Variants in WDR41 observed in about 807,000 individuals in gnomAD.
The protein encoded by WDR41 is WD repeat domain 41.
Under a neutral mutation model 69.3 loss-of-function variants are expected in WDR41, and 63 were observed. That is an observed-to-expected ratio of 0.91 (90% CI 0.74 to 1.12). The LOEUF (loss-of-function observed/expected upper bound fraction) is 1.12. Among genes scored for constraint, WDR41 ranks in the 50% most tolerant of loss-of-function variants. The pLI, the probability that WDR41 is intolerant of heterozygous loss-of-function variation, is 0.00. For synonymous variants in WDR41, 185 were observed against 192.1 expected (o/e 0.96, Z 0.31); for missense variants, 543 against 534.5 (o/e 1.02, Z -0.16).
intron 1 of WDR41, among the ~76,000 whole-genome samples, chr5:77,532,717 A>G (rs1257400474): frequency 6.6e-6 from 1 of 152,142 alleles, no homozygotes; most frequent in Non-Finnish European, 1.5e-5. Flanking sequence ...AAGAACATAT[A>G]TGTAACTCAA....
intron 11 of WDR41, among the ~76,000 whole-genome samples, 175 bp downstream of exon 11, chr5:77,437,161 C>T (rs535938254): frequency 2.5e-3 from 386 of 152,264 alleles, no homozygotes; most frequent in African/African-American, 8.8e-3. Flanking sequence ...TACATTAGGG[C>T]AGTATTAAGC....
At chr5:77,518,511 C>G (rs1423199664) in intron 1 of WDR41, among the ~76,000 whole-genome samples, 2 of 152,026 alleles carry the variant, frequency 1.3e-5, no homozygotes, top group African/African-American at 2.4e-5. Context: ...CTGTGATGTC[C>G]TTAAAAGCCC....
chr5:77,516,936 G>C (rs1383780752), intron 1 of WDR41, among the ~76,000 whole-genome samples: 3 of 150,794 alleles, frequency 2.0e-5, no homozygotes, highest in Non-Finnish European at 4.4e-5. Context: ...AGAATCGCTC[G>C]AACTTGGGAT....
At chr5:77,530,921 A>C (rs1193606213) in intron 1 of WDR41, among the ~76,000 whole-genome samples, 6 of 151,860 alleles carry the variant, frequency 4.0e-5, no homozygotes, top group Non-Finnish European at 7.4e-5. Context: ...TTAATGGTAC[A>C]AGAACTGGTG....
intron 1 of WDR41, among the ~76,000 whole-genome samples, chr5:77,519,457 T>C (rs1386348661): frequency 1.3e-5 from 2 of 151,934 alleles, no homozygotes; most frequent in African/African-American, 2.4e-5. Context: ...ATTTAGTCTT[T>C]ATTTTTTTCA....
intron 11 of WDR41, 39 bp downstream of exon 11, chr5:77,437,297 G>A (rs746651706): frequency 5.0e-5 from 78 of 1,550,718 alleles, no homozygotes; most frequent in Non-Finnish European, 6.8e-5. Flanking sequence ...TGAGAAAAAA[G>A]GAGAGAAAAA....
chr5:77,512,289 C>G (rs1469141472), intron 1 of WDR41, among the ~76,000 whole-genome samples: 1 of 148,208 alleles, frequency 6.7e-6, no homozygotes, highest in Non-Finnish European at 1.5e-5. Context: ...ATGTGCCCCA[C>G]AAAGTTAAGA....
intron 3 of WDR41, among the ~76,000 whole-genome samples, chr5:77,463,487 T>C (rs186212260): frequency 1.8e-4 from 28 of 152,268 alleles, no homozygotes; most frequent in African/African-American, 6.5e-4. Context: ...TTTCTATAAA[T>C]TTAAAAATAT....
intron 1 of WDR41, among the ~76,000 whole-genome samples, chr5:77,553,945 T>C (rs780819522): frequency 1.3e-5 from 2 of 152,194 alleles, no homozygotes; most frequent in Admixed American, 1.3e-4. Context: ...TGGACATTTA[T>C]GCCAGAGGAA....
Position 77,489,581 on chromosome 5 carries a change from GAAAA to G in WDR41, c.52-13_52-10del, listed in dbSNP as rs1554032661. The G allele has an allele frequency of 5.5e-5, 55 of 1,002,480 alleles. No homozygotes were observed. Among genetic ancestry groups the G allele is most frequent in the South Asian group, 1.5e-4 (9 of 60,914 alleles). 62.1% of individuals were successfully genotyped at this position (1,002,480 alleles called of 1,614,324 possible). On this transcript the variant is annotated splice_polypyrimidine_tract_variant and intron_variant, in intron 1 of 12. Coordinates refer to ENST00000296679, the MANE Select transcript of WDR41 (RefSeq NM_018268.4). ...GTCTGTAAAGGAGATTTCTTGTATTGAAAAAAAAAAAAAAGCAAAAAACAAAAGA... is the reference window on the plus strand; with the variant it reads ...GTCTGTAAAGGAGATTTCTTGTATTGAAAAAAAAAAGCAAAAAACAAAAGA...
At chr5:77,478,114 G>T (rs1030296902) in intron 2 of WDR41, among the ~76,000 whole-genome samples, 1 of 152,124 alleles carries the variant, frequency 6.6e-6, no homozygotes, top group Non-Finnish European at 1.5e-5. Flanking sequence ...ACCCTCCCAA[G>T]ACTAAACCAG....
chr5:77,448,980 A>G (rs555507835), intron 8 of WDR41, among the ~76,000 whole-genome samples: 1 of 152,296 alleles, frequency 6.6e-6, no homozygotes, highest in South Asian at 2.1e-4. Flanking sequence ...CATACTCCCA[A>G]GCAGCCTTAC....
intron 1 of WDR41, among the ~76,000 whole-genome samples, chr5:77,615,402 G>A (rs1306249921): frequency 6.6e-6 from 1 of 152,004 alleles, no homozygotes; most frequent in Non-Finnish European, 1.5e-5. Flanking sequence ...TACTACAACA[G>A]ATTTTTTAAA....
At position 77,595,294 on chromosome 5, in the gene WDR41, G is replaced by A. The variant is rs144122352; in HGVS notation, c.42+25185C>T. On this transcript the variant is annotated intron_variant, in intron 1 of 5. Transcript: ENST00000509971. ...CAAGTTCAACTATAAGAATGTTTAT[G>A]AATATGGGGGAGAGTTGCCTCAATA... 3.6e-3 allele frequency among the ~76,000 whole-genome samples: 545 copies of A among 152,330 alleles called. 5 individuals are homozygous for A. The highest frequency in any genetic ancestry group is 0.012 in the African/African-American group (505 of 41,572).
intron 1 of WDR41, among the ~76,000 whole-genome samples, chr5:77,524,517 A>G (rs1802418089): frequency 6.6e-6 from 1 of 152,194 alleles, no homozygotes; most frequent in African/African-American, 2.4e-5. Context: ...GCTTGAGCCC[A>G]AGAATTTGAG....
At chr5:77,559,115 T>G (rs1743468586) in intron 1 of WDR41, among the ~76,000 whole-genome samples, 1 of 152,180 alleles carries the variant, frequency 6.6e-6, no homozygotes, top group Admixed American at 6.6e-5. Context: ...AGTGGTACGC[T>G]GGTAAATAGT....
chr5:77,492,113 C>A, intron 1 of WDR41, 57 bp downstream of exon 1: 1 of 1,593,588 alleles, frequency 6.3e-7, no homozygotes, highest in South Asian at 1.1e-5. Context: ...CGAACCGGAA[C>A]GAAGCCGCCC....
At chr5:77,607,047 G>A (rs928071927) in intron 1 of WDR41, among the ~76,000 whole-genome samples, 4 of 151,914 alleles carry the variant, frequency 2.6e-5, no homozygotes, top group Middle Eastern at 3.4e-3. Context: ...AGATTAAGAA[G>A]ACAAACCAAG....
chr5:77,500,613 C>G (rs1304774267), intron 1 of WDR41, among the ~76,000 whole-genome samples: 1 of 152,040 alleles, frequency 6.6e-6, no homozygotes, highest in Non-Finnish European at 1.5e-5. Flanking sequence ...TCACAAATTA[C>G]CAAAATCTGT....
Sources: gnomAD v4.1 joint callset for allele counts (sites outside exome capture counted in the v4.1 genomes callset) on GRCh38, gnomAD v4.1.1 for gene constraint, MANE v1.5 for transcripts, NCBI Gene and HGNC (gene_info 2026-07-23, HGNC 2026-07-21) for gene names.